Variants in RAPGEF6 observed in about 807,000 individuals in gnomAD.
RAPGEF6 encodes the protein PDZ domain containing guanine nucleotide exchange factor (GEF) 2.
Under a neutral mutation model 171.4 loss-of-function variants are expected in RAPGEF6, and 56 were observed. That is an observed-to-expected ratio of 0.33 (90% CI 0.26 to 0.41). The LOEUF (loss-of-function observed/expected upper bound fraction) is 0.41, where lower values mean the gene tolerates loss of function less well. RAPGEF6 is among the 10% of genes least tolerant of loss of function. The pLI, the probability that RAPGEF6 is intolerant of heterozygous loss-of-function variation, is 1.00. For missense variants in RAPGEF6, 1,674 were observed against 1,921.4 expected (o/e 0.87, Z 2.41); for synonymous variants, 692 against 650.1 (o/e 1.06, Z -0.98).
In RAPGEF6 at chr5:131,427,139, A is replaced by T; in HGVS notation, c.*127T>A. 3.6e-6 allele frequency: 3 copies of T among 843,530 alleles called. No individual in the cohort carries two copies. Among genetic ancestry groups the T allele is most frequent in the South Asian group, 2.9e-5 (2 of 69,668 alleles). 52.3% of individuals were successfully genotyped at this position (843,530 alleles called of 1,614,324 possible). On this transcript the variant is annotated 3_prime_UTR_variant, in exon 28 of 28. Coordinates refer to ENST00000509018, the MANE Select transcript of RAPGEF6 (RefSeq NM_016340.6). ...AGGTCTATTTCATTGCTCGGAGTAG[A>T]GGGAATAAAACCTCTGGACTGGTTG... is the stretch of plus-strand genomic sequence containing the variant.
intron 17 of RAPGEF6, among the ~76,000 whole-genome samples, chr5:131,471,740 G>A (rs867866443): frequency 1.6e-4 from 23 of 141,026 alleles, no homozygotes; most frequent in Middle Eastern, 3.6e-3. Context: ...ATGAATAGAC[G>A]CAAAAAAAAA....
intron 1 of RAPGEF6, among the ~76,000 whole-genome samples, chr5:131,626,239 A>G (rs966268026): frequency 2.0e-5 from 3 of 151,936 alleles, no homozygotes; most frequent in Admixed American, 2.0e-4. Flanking sequence ...CTTTCAGACA[A>G]TTTTTCGTAA....
intron 1 of RAPGEF6, among the ~76,000 whole-genome samples, chr5:131,623,568 C>T (rs1022537486): frequency 6.6e-6 from 1 of 151,182 alleles, no homozygotes; most frequent in Admixed American, 6.6e-5. Flanking sequence ...TCACCGCAAC[C>T]TCCGCCTCTA....
Position 131,592,388 on chromosome 5 carries a change from A to G in RAPGEF6, c.276T>C (p.Pro92=), listed in dbSNP as rs777612623. ...TATAGCAAATGTAAACGTACCTGCA[A>G]GGAGGCAAGACCATGGAGCCTTTCA... The part of the protein sequence containing the change: ...VLVKGSMVLP[P]CSFGKQFGGK... Residue 92 remains proline (P), a synonymous_variant, in exon 4 of 28, where the codon CCT becomes CCC. Coordinates refer to ENST00000509018, the MANE Select transcript of RAPGEF6 (RefSeq NM_016340.6). 2 of 1,613,820 alleles carry G rather than the reference A, an allele frequency of 1.2e-6. No homozygotes were observed. The highest frequency in any genetic ancestry group is 2.2e-5 in the East Asian group (1 of 44,856).
chr5:131,462,995 T>C (rs771634783), intron 18 of RAPGEF6, among the ~76,000 whole-genome samples: 7 of 152,192 alleles, frequency 4.6e-5, no homozygotes, highest in Non-Finnish European at 8.8e-5. Flanking sequence ...ACTTAGTAAC[T>C]CATTTAATCC....
At chr5:131,561,610 A>G (rs1372635336) in intron 5 of RAPGEF6, among the ~76,000 whole-genome samples, 1 of 151,328 alleles carries the variant, frequency 6.6e-6, no homozygotes, top group Non-Finnish European at 1.5e-5. Flanking sequence ...CAGTGAGCCA[A>G]GACTGCACCA....
chr5:131,484,314 C>T (rs987593382), intron 15 of RAPGEF6, among the ~76,000 whole-genome samples: 20 of 147,646 alleles, frequency 1.4e-4, no homozygotes, highest in African/African-American at 5.0e-4. Context: ...GCAACCTCCG[C>T]CCCCAAGGTT....
At chr5:131,575,936 A>G (rs574008698) in intron 4 of RAPGEF6, among the ~76,000 whole-genome samples, 1 of 151,964 alleles carries the variant, frequency 6.6e-6, no homozygotes, top group Non-Finnish European at 1.5e-5. Context: ...ATCACAAACC[A>G]TTCCCCACTT....
At chr5:131,530,124 A>G (rs1441720327) in intron 6 of RAPGEF6, among the ~76,000 whole-genome samples, 6 of 149,906 alleles carry the variant, frequency 4.0e-5, no homozygotes, top group Admixed American at 6.6e-5. Flanking sequence ...GCCAAGCTTG[A>G]GGACCACATC....
intron 6 of RAPGEF6, among the ~76,000 whole-genome samples, chr5:131,528,531 G>C (rs901528639): frequency 1.3e-5 from 2 of 151,226 alleles, no homozygotes; most frequent in East Asian, 3.9e-4. Flanking sequence ...GTTGAGAGTT[G>C]GAAGGATGTT....
intron 17 of RAPGEF6, among the ~76,000 whole-genome samples, chr5:131,465,607 C>T (rs552055680): frequency 3.3e-5 from 5 of 151,954 alleles, no homozygotes; most frequent in African/African-American, 1.2e-4. Flanking sequence ...ATAGCAAGAC[C>T]CCATCTCTAC....
Position 131,492,673 on chromosome 5 carries a change from T to C in RAPGEF6, c.1640A>G (p.Asn547Ser). 6.2e-7 allele frequency: 1 copy of C among 1,614,198 alleles called. No homozygotes were observed. The highest frequency in any genetic ancestry group is 1.3e-5 in the African/African-American group (1 of 75,070). Residue 547 changes from asparagine (N) to serine (S), a missense_variant, in exon 14 of 28, where the codon AAT (asparagine) becomes AGT (serine). By Grantham distance (46) the Asn-to-Ser change is conservative. This residue lies in a region of RAPGEF6 where 1,116 missense variants were observed against 1,321.5 expected (regional missense o/e 0.84). Coordinates refer to ENST00000509018, the MANE Select transcript of RAPGEF6 (RefSeq NM_016340.6). Reference sequence around the variant, plus strand: ...ACCAAATCCCTTCTCACTCCCTCCATTAAGGCTGAATTGTAGAGGGGACTC... The same window carrying C: ...ACCAAATCCCTTCTCACTCCCTCCACTAAGGCTGAATTGTAGAGGGGACTC... ...SRESPLQFSL[N>S]GGSEKGFGIF... is the part of the protein sequence containing the mutation.
intron 4 of RAPGEF6, among the ~76,000 whole-genome samples, chr5:131,563,523 C>T (rs1338788653): frequency 6.6e-6 from 1 of 152,226 alleles, no homozygotes; most frequent in East Asian, 1.9e-4. Flanking sequence ...TTCTTCGAGA[C>T]AGCATCTCAC....
intron 4 of RAPGEF6, among the ~76,000 whole-genome samples, chr5:131,581,449 C>A (rs550818132): frequency 1.3e-5 from 2 of 152,086 alleles, no homozygotes; most frequent in African/African-American, 4.8e-5. Flanking sequence ...TCAATTCCTA[C>A]GAAACTGCAT....
intron 1 of RAPGEF6, among the ~76,000 whole-genome samples, chr5:131,628,751 C>T (rs1766104454): frequency 6.6e-6 from 1 of 152,042 alleles, no homozygotes; most frequent in Admixed American, 6.6e-5. Context: ...GATCATTTAC[C>T]ATTCTGAAAA....
chr5:131,446,295 G>A (rs1021756755), intron 22 of RAPGEF6, among the ~76,000 whole-genome samples, 188 bp downstream of exon 22: 1 of 152,102 alleles, frequency 6.6e-6, no homozygotes, highest in South Asian at 2.1e-4. Flanking sequence ...CTATTTTTTG[G>A]ATAGTGTAGC....
chr5:131,439,885 T>G, intron 23 of RAPGEF6, 170 bp from the exon 24 acceptor site: 1 of 1,127,698 alleles, frequency 8.9e-7, no homozygotes, highest in Non-Finnish European at 1.2e-6. Context: ...ATACAGAGAT[T>G]CTCACCTCTA....
At position 131,431,261 on chromosome 5, in the gene RAPGEF6, T is replaced by C. The variant is rs187876498; in HGVS notation, c.4063A>G (p.Ile1355Val). 13 of 1,614,228 alleles carry C rather than the reference T, an allele frequency of 8.1e-6. No individual in the cohort carries two copies. The highest frequency in any genetic ancestry group is 8.0e-5 in the African/African-American group (6 of 75,046). ...CCACGACCACTGTCAGCTGCTTCTATAATGATATGCTCTTGAGAAATCTCT... is the reference window on the plus strand; with the variant it reads ...CCACGACCACTGTCAGCTGCTTCTACAATGATATGCTCTTGAGAAATCTCT... ...NEEISQEHIIIEAADSGRGSW... is the reference protein window; with the variant it reads ...NEEISQEHIIVEAADSGRGSW... Residue 1355 changes from isoleucine to valine, a missense_variant, in exon 26 of 28, where the codon ATA becomes GTA. By Grantham distance (29) the Ile-to-Val change is conservative (BLOSUM62 3). This residue lies in a region of RAPGEF6 where 552 missense variants were observed against 574.2 expected (regional missense o/e 0.96). Coordinates refer to ENST00000509018, the MANE Select transcript of RAPGEF6 (RefSeq NM_016340.6).
intron 7 of RAPGEF6, among the ~76,000 whole-genome samples, chr5:131,514,431 A>G (rs1464166419): frequency 6.6e-6 from 1 of 152,120 alleles, no homozygotes; most frequent in African/African-American, 2.4e-5. Context: ...ATTTTTTTCA[A>G]CGTAATATCC....
Sources: gnomAD v4.1 joint callset for allele counts (sites outside exome capture counted in the v4.1 genomes callset) on GRCh38, gnomAD v4.1.1 for gene constraint, gnomAD v4.1.1 regional missense constraint, MANE v1.5 for transcripts, NCBI Gene and HGNC (gene_info 2026-07-23, HGNC 2026-07-21) for gene names.